The following NTRK2 variants were observed in gnomAD, a reference collection of about 807,000 sequenced individuals.
The protein encoded by NTRK2 is neurotrophic receptor tyrosine kinase 2.
In NTRK2, 13 loss-of-function variants were observed where a neutral mutation model predicts 94.5. The ratio of observed to expected loss-of-function variants is 0.14; its 90% confidence interval spans 0.09 to 0.22. The LOEUF (loss-of-function observed/expected upper bound fraction) is 0.22, where lower values mean the gene tolerates loss of function less well. NTRK2 is among the 10% of genes least tolerant of loss of function. The pLI is 1.00. For synonymous variants in NTRK2, 372 were observed against 407.4 expected (o/e 0.91, Z 1.05); for missense variants, 639 against 1,071.2 (o/e 0.60, Z 5.63).
intron 18 of NTRK2, 106 bp downstream of exon 18, chr9:85,020,470 T>G: frequency 8.4e-7 from 1 of 1,194,774 alleles, no homozygotes. Flanking sequence ...GACACGATCT[T>G]ATGGGCTTTG....
intron 4 of NTRK2, among the ~76,000 whole-genome samples, chr9:84,703,978 GT>G (rs1354818912): frequency 6.6e-6 from 1 of 152,134 alleles, no homozygotes; most frequent in Non-Finnish European, 1.5e-5. Flanking sequence ...TTAAGTTCTG[GT>G]ATTTTCATTA....
At chr9:84,796,760 AC>A (rs2133290091) in intron 12 of NTRK2, among the ~76,000 whole-genome samples, 1 of 152,354 alleles carries the variant, frequency 6.6e-6, no homozygotes, top group South Asian at 2.1e-4. Flanking sequence ...ACTAGTGGAA[AC>A]AAGATGGGTG....
chr9:84,962,052 G>C (rs1307827642), intron 17 of NTRK2, among the ~76,000 whole-genome samples: 1 of 152,190 alleles, frequency 6.6e-6, no homozygotes, highest in Admixed American at 6.5e-5. Context: ...ACATTTCACA[G>C]GGGTTTTTGC....
Position 84,724,205 on chromosome 9 carries a change from T to G in NTRK2, c.721-19T>G, listed in dbSNP as rs1411944965. The G allele has an allele frequency of 6.2e-7, 1 of 1,614,126 alleles. No homozygotes were observed. The highest frequency in any genetic ancestry group is 1.7e-5 in the Admixed American group (1 of 60,032). ...TCAATCCTAATCAAGGTTATTTTTGTCTGTTAATTCATTTGTAGAATGAAA... is the reference window on the plus strand; with the variant it reads ...TCAATCCTAATCAAGGTTATTTTTGGCTGTTAATTCATTTGTAGAATGAAA... On this transcript the variant is annotated intron_variant, in intron 7 of 18. Coordinates refer to ENST00000277120, the MANE Select transcript of NTRK2 (RefSeq NM_006180.6).
intron 9 of NTRK2, among the ~76,000 whole-genome samples, chr9:84,733,398 TC>T (rs1250774780): frequency 6.6e-6 from 1 of 152,204 alleles, no homozygotes; most frequent in African/African-American, 2.4e-5. Context: ...TCACTTAACA[TC>T]CTATTATGCT....
intron 12 of NTRK2, among the ~76,000 whole-genome samples, chr9:84,818,403 G>C (rs149477453): frequency 6.4e-4 from 98 of 152,310 alleles, no homozygotes; most frequent in African/African-American, 2.1e-3. Context: ...TGTTATTGTT[G>C]CACTAAAGTA....
At chr9:84,987,838 A>G (rs897448333) in intron 17 of NTRK2, among the ~76,000 whole-genome samples, 2 of 152,220 alleles carry the variant, frequency 1.3e-5, no homozygotes, top group African/African-American at 4.8e-5. Flanking sequence ...GTTGCCCTAC[A>G]TGTAACTAAT....
chr9:84,772,662 C>A (rs1286377418), intron 12 of NTRK2, among the ~76,000 whole-genome samples: 1 of 152,116 alleles, frequency 6.6e-6, no homozygotes, highest in East Asian at 1.9e-4. Context: ...ATGTAAGAAG[C>A]CCCACAAAAG....
intron 12 of NTRK2, among the ~76,000 whole-genome samples, chr9:84,796,948 T>A (rs2069403012): frequency 6.6e-6 from 1 of 152,212 alleles, no homozygotes; most frequent in Non-Finnish European, 1.5e-5. Flanking sequence ...TAATTTTGAT[T>A]CCTTTATATA....
At chr9:84,946,132 T>C (rs893030836) in intron 15 of NTRK2, among the ~76,000 whole-genome samples, 1 of 152,226 alleles carries the variant, frequency 6.6e-6, no homozygotes, top group Non-Finnish European at 1.5e-5. Context: ...ATCTGACAGA[T>C]GACAGTGCTT....
intron 12 of NTRK2, among the ~76,000 whole-genome samples, chr9:84,840,597 G>A (rs766633130): frequency 2.7e-4 from 41 of 151,894 alleles, no homozygotes; most frequent in African/African-American, 9.0e-4. Context: ...CTTCTGAACC[G>A]GATCATTCCC....
intron 6 of NTRK2, among the ~76,000 whole-genome samples, chr9:84,718,886 A>G (rs1257926282): frequency 6.6e-6 from 1 of 152,214 alleles, no homozygotes; most frequent in Non-Finnish European, 1.5e-5. Context: ...CAGCATATTA[A>G]CGCTGTAGAA....
chr9:85,025,733 G>A lies in NTRK2; in HGVS notation c.*4296G>A, dbSNP rs894375056. 5.6e-5 allele frequency: 13 copies of A among 232,750 alleles called. No individual in the cohort carries two copies. The highest frequency in any genetic ancestry group is 2.7e-4 in the African/African-American group (12 of 45,222). The allele number at this position is 232,750 out of a possible 1,614,324, so 14.4% of individuals were successfully genotyped here. On this transcript the variant is annotated 3_prime_UTR_variant, in exon 19 of 19. Coordinates refer to ENST00000277120, the MANE Select transcript of NTRK2 (RefSeq NM_006180.6). ...ACTTTTATTTTCAATGTTGACCTTTGGTTTGGCCATATATCACTGTTATAG... is the reference window on the plus strand; with the variant it reads ...ACTTTTATTTTCAATGTTGACCTTTAGTTTGGCCATATATCACTGTTATAG...
chr9:84,958,650 G>A (rs774141403), intron 17 of NTRK2, among the ~76,000 whole-genome samples: 90 of 152,136 alleles, frequency 5.9e-4, no homozygotes, highest in Non-Finnish European at 1.2e-3. Flanking sequence ...GCCTTGCAAT[G>A]GCCTCTGTTG....
intron 5 of NTRK2, among the ~76,000 whole-genome samples, chr9:84,709,830 C>G (rs1163206982): frequency 1.3e-5 from 2 of 152,058 alleles, no homozygotes; most frequent in African/African-American, 4.8e-5. Context: ...ACTACTTCCT[C>G]TTTTACCCAT....
chr9:84,801,303 G>A (rs2070417299), intron 12 of NTRK2, among the ~76,000 whole-genome samples: 1 of 152,218 alleles, frequency 6.6e-6, no homozygotes, highest in African/African-American at 2.4e-5. Context: ...CCAGCGGCAG[G>A]TGGGTTTCTT....
chr9:84,926,421 T>G (rs2077823101), intron 14 of NTRK2, among the ~76,000 whole-genome samples: 1 of 151,700 alleles, frequency 6.6e-6, no homozygotes, highest in South Asian at 2.1e-4. Flanking sequence ...TAATAGAGAC[T>G]GGGTTTCTCC....
chr9:84,863,292 A>C (rs2132015833), intron 13 of NTRK2, among the ~76,000 whole-genome samples: 1 of 152,290 alleles, frequency 6.6e-6, no homozygotes, highest in Non-Finnish European at 1.5e-5. Context: ...ATAGTACAGG[A>C]TGTGTGACCA....
intron 2 of NTRK2, among the ~76,000 whole-genome samples, chr9:84,677,775 G>A (rs55923049): frequency 0.088 from 13,331 of 152,196 alleles, 706 homozygotes; most frequent in African/African-American, 0.14. Flanking sequence ...ACTTCATGCA[G>A]TGGGAAGGAG....
Sources: gnomAD v4.1 joint callset for allele counts (sites outside exome capture counted in the v4.1 genomes callset) on GRCh38, gnomAD v4.1.1 for gene constraint, MANE v1.5 for transcripts, NCBI Gene and HGNC (gene_info 2026-07-23, HGNC 2026-07-21) for gene names.